SPAG16: variants seen among roughly 807,000 people sequenced by gnomAD.
SPAG16 encodes the protein sperm associated antigen 16.
SPAG16 carries 86 observed loss-of-function variants against 80.4 expected under a neutral mutation model. The ratio of observed to expected loss-of-function variants is 1.07; its 90% CI spans 0.90 to 1.28. The LOEUF is 1.28. Among genes scored for constraint, SPAG16 ranks in the 50% most tolerant of loss-of-function variants. The pLI is 0.00. For synonymous variants in SPAG16, 294 were observed against 265.9 expected, an observed-to-expected ratio of 1.11 and a Z score of -1.03; for missense variants, 870 against 765.3, an observed-to-expected ratio of 1.14 and a Z score of -1.61.
At chr2:214,319,346 C>G (rs555171040) in intron 15 of SPAG16, among the ~76,000 whole-genome samples, 206 of 151,904 alleles carry the variant, frequency 1.4e-3, no homozygotes, top group Middle Eastern at 0.01. Flanking sequence ...GAGGTATGTA[C>G]AGAGTAGGGA....
chr2:214,085,390 A>G (rs1483102571), intron 13 of SPAG16, among the ~76,000 whole-genome samples: 5 of 150,032 alleles, frequency 3.3e-5, no homozygotes, highest in Non-Finnish European at 4.4e-5. Context: ...AAAAAAAAAA[A>G]AAAGAAAGAA....
chr2:214,172,997 G>A (rs1398401165), intron 15 of SPAG16, among the ~76,000 whole-genome samples: 1 of 151,480 alleles, frequency 6.6e-6, no homozygotes, highest in African/African-American at 2.4e-5. Flanking sequence ...CTGGATATTA[G>A]CCCTTTGTCA....
rs574641183 is a variant in SPAG16, at chr2:214,038,790, G to T, written c.1527+24713G>T. The stretch of plus-strand genomic sequence containing the variant: ...TCCCACCTATGAGTGAGAACACGCA[G>T]TGTTTGGTTTTTTGTCCTTGTGATA... On this transcript the variant is annotated intron_variant, in intron 13 of 15. Transcript: ENST00000331683. Among the ~76,000 whole-genome samples the T allele has an allele frequency of 2.5e-4, 38 of 150,884 alleles. No individual in the cohort carries two copies. The East Asian group carries it at 6.9e-3, about 27-fold the overall frequency.
chr2:214,318,801 C>T (rs1179321357), intron 15 of SPAG16, among the ~76,000 whole-genome samples: 1 of 152,084 alleles, frequency 6.6e-6, no homozygotes, highest in Non-Finnish European at 1.5e-5. Flanking sequence ...ACCTTGTCTT[C>T]CAAACACACG....
intron 9 of SPAG16, among the ~76,000 whole-genome samples, chr2:213,405,538 AGTTGCCCTATGGTG>A (rs1559098207): frequency 6.6e-6 from 1 of 152,210 alleles, no homozygotes; most frequent in Non-Finnish European, 1.5e-5. Context: ...CACAAACTAT[AGTTGCCCTATGGTG>A]CTCTCAAACA....
intron 14 of SPAG16, among the ~76,000 whole-genome samples, chr2:214,113,116 C>A (rs13016014): frequency 0.097 from 14,671 of 151,830 alleles, 893 homozygotes; most frequent in East Asian, 0.29. Flanking sequence ...TTCTGGTTTG[C>A]AAATTCTTAA....
At chr2:213,978,915 C>G (rs904113677) in intron 12 of SPAG16, among the ~76,000 whole-genome samples, 2 of 151,458 alleles carry the variant, frequency 1.3e-5, no homozygotes, top group Non-Finnish European at 2.9e-5. Context: ...AAGAAAAAAA[C>G]GATAGGGCAT....
intron 9 of SPAG16, among the ~76,000 whole-genome samples, chr2:213,468,489 ATGTATTTATATATAGATATATATATATC>A (rs2072859085): frequency 8.4e-6 from 1 of 119,260 alleles, no homozygotes; most frequent in African/African-American, 3.1e-5. Flanking sequence ...AGATATATAT[ATGTATTTATATATAGATATATATATATC>A]TATGTATTTA....
At chr2:213,455,584 T>A (rs1269177244) in intron 9 of SPAG16, among the ~76,000 whole-genome samples, 1 of 152,162 alleles carries the variant, frequency 6.6e-6, no homozygotes, top group Non-Finnish European at 1.5e-5. Context: ...AGACAATTTT[T>A]TCATGGATGA....
At chr2:213,701,945 G>T (rs1312187200) in intron 10 of SPAG16, among the ~76,000 whole-genome samples, 2 of 151,894 alleles carry the variant, frequency 1.3e-5, no homozygotes, top group African/African-American at 4.8e-5. Context: ...ATCTAGTGGG[G>T]ACTTGGAGAA....
At chr2:214,066,323 T>C (rs1269439988) in intron 13 of SPAG16, among the ~76,000 whole-genome samples, 3 of 152,142 alleles carry the variant, frequency 2.0e-5, no homozygotes, top group African/African-American at 4.8e-5. Context: ...TGAATCTTGT[T>C]TCTAAAATGC....
At chr2:214,366,001 A>G (rs1285618837) in intron 15 of SPAG16, among the ~76,000 whole-genome samples, 2 of 149,156 alleles carry the variant, frequency 1.3e-5, no homozygotes, top group Non-Finnish European at 3.0e-5. Flanking sequence ...TTTTTGAGAC[A>G]GGAGTCTCGC....
At chr2:214,012,800 G>A (rs1313880916) in intron 12 of SPAG16, among the ~76,000 whole-genome samples, 3 of 151,928 alleles carry the variant, frequency 2.0e-5, no homozygotes, top group Non-Finnish European at 2.9e-5. Flanking sequence ...TTCGTAAAAT[G>A]GCAAAAAAAA....
chr2:213,392,599 C>G (rs1165679559), intron 9 of SPAG16, among the ~76,000 whole-genome samples: 1 of 152,086 alleles, frequency 6.6e-6, no homozygotes, highest in Non-Finnish European at 1.5e-5. Context: ...GTAATCCCAG[C>G]ACTTTGGGAG....
At chr2:213,599,524 A>T (rs776771614) in intron 10 of SPAG16, among the ~76,000 whole-genome samples, 4 of 152,212 alleles carry the variant, frequency 2.6e-5, no homozygotes, top group Non-Finnish European at 5.9e-5. Flanking sequence ...TAGTAAATGT[A>T]ATCTCTCTTC....
At chr2:213,836,251 T>C (rs946672254) in intron 10 of SPAG16, among the ~76,000 whole-genome samples, 1 of 139,768 alleles carries the variant, frequency 7.2e-6, no homozygotes, top group Non-Finnish European at 1.6e-5. Context: ...TTACTTCTTA[T>C]AATTTTTTTT....
chr2:213,643,963 T>A (rs2062724316), intron 10 of SPAG16, among the ~76,000 whole-genome samples: 2 of 151,118 alleles, frequency 1.3e-5, no homozygotes, highest in Non-Finnish European at 2.9e-5. Flanking sequence ...GTATTTTTAG[T>A]AGAGATGGAG....
chr2:213,896,362 C>T (rs6714095), intron 11 of SPAG16, among the ~76,000 whole-genome samples: 89,351 of 151,448 alleles, frequency 0.59, 28,159 homozygotes, highest in South Asian at 0.84. Context: ...TGTAAATTTG[C>T]ATAGCTACTA....
intron 15 of SPAG16, among the ~76,000 whole-genome samples, chr2:214,401,977 A>G (rs935979590): frequency 6.6e-6 from 1 of 151,972 alleles, no homozygotes; most frequent in African/African-American, 2.4e-5. Flanking sequence ...AAATGACTGT[A>G]TTTAATTAAC....
Sources: allele counts gnomAD v4.1 joint callset (sites outside exome capture counted in the v4.1 genomes callset), GRCh38; gene constraint gnomAD v4.1.1; transcripts MANE v1.5; gene names NCBI Gene and HGNC (gene_info 2026-07-23, HGNC 2026-07-21).